Variants in ASTN2 observed in about 807,000 individuals in gnomAD.
The protein encoded by ASTN2 is astrotactin 2.
ASTN2 carries 54 observed loss-of-function variants against 139.8 expected under a neutral mutation model. That is an observed-to-expected ratio of 0.39 (90% CI 0.31 to 0.48). The LOEUF is 0.48. ASTN2 is among the 20% of genes least tolerant of loss of function. The pLI is 0.95. For missense variants in ASTN2, 1,565 were observed against 1,725.1 expected (o/e 0.91, Z 1.64); for synonymous variants, 756 against 719.5 (o/e 1.05, Z -0.81).
chr9:116,612,807 G>C (rs1855616617), intron 19 of ASTN2: 1 of 149,590 alleles, frequency 6.7e-6, no homozygotes, highest in Non-Finnish European at 1.5e-5. Context: ...ATAATTAAAA[G>C]AACTAGAGAA....
chr9:117,052,069 C>T (rs1838925673), intron 5 of ASTN2, among the ~76,000 whole-genome samples: 1 of 152,118 alleles, frequency 6.6e-6, no homozygotes, highest in Non-Finnish European at 1.5e-5. Context: ...CTCTGTCATG[C>T]TTTGGTTGAC....
At chr9:116,479,237 C>A (rs1447542961) in intron 20 of ASTN2, among the ~76,000 whole-genome samples, 1 of 152,158 alleles carries the variant, frequency 6.6e-6, no homozygotes, top group African/African-American at 2.4e-5. Flanking sequence ...CTCCTGATGA[C>A]TTTCATGCTG....
intron 13 of ASTN2, among the ~76,000 whole-genome samples, chr9:116,774,730 T>C (rs1052740909): frequency 6.6e-6 from 1 of 152,056 alleles, no homozygotes; most frequent in Admixed American, 6.6e-5. Flanking sequence ...CTTGTTCATA[T>C]TTACCAACAT....
In ASTN2 at chr9:116,699,882, TTCCCAC is replaced by T; in HGVS notation, c.2806+25883_2806+25888del. The T allele has an allele frequency of 1.2e-6, 1 of 815,838 alleles. No homozygotes were observed. The highest frequency in any genetic ancestry group is 1.9e-6 in the Non-Finnish European group (1 of 516,212). 50.5% of individuals were successfully genotyped at this position (815,838 alleles called of 1,614,324 possible). A position where few individuals can be genotyped will look rare whatever the true frequency, so the allele number is the denominator to read the frequency against. ...TTATTTGTTATGTCCCCCTCCCCGC[TTCCCAC>T]CTAAATTTAGAGCTTTAAAAGATGC... is the stretch of plus-strand genomic sequence containing the variant. On this transcript the variant is annotated intron_variant, in intron 16 of 22. Coordinates refer to ENST00000313400, the MANE Select transcript of ASTN2 (RefSeq NM_001365068.1). The surrounding 1 kb of genome is among the most constrained non-coding windows in gnomAD (Gnocchi z 4.2).
intron 4 of ASTN2, among the ~76,000 whole-genome samples, chr9:117,117,732 T>A (rs1243238906): frequency 6.6e-6 from 1 of 152,212 alleles, no homozygotes; most frequent in African/African-American, 2.4e-5. Flanking sequence ...ATCTACCATG[T>A]GCTGAGAGTC....
At chr9:117,306,154 G>A (rs1303113570) in intron 1 of ASTN2, among the ~76,000 whole-genome samples, 1 of 152,090 alleles carries the variant, frequency 6.6e-6, no homozygotes, top group Non-Finnish European at 1.5e-5. Flanking sequence ...CCTCCCTCTG[G>A]CTCCCACCCC....
chr9:116,838,032 CT>C (rs1219858136), intron 11 of ASTN2, among the ~76,000 whole-genome samples: 4 of 151,968 alleles, frequency 2.6e-5, no homozygotes, highest in Non-Finnish European at 5.9e-5. Context: ...CAGGCAAACA[CT>C]AGCAGGCCCT....
chr9:117,265,418 G>A (rs150875375), intron 2 of ASTN2, among the ~76,000 whole-genome samples: 81 of 152,214 alleles, frequency 5.3e-4, no homozygotes, highest in Middle Eastern at 3.4e-3. Flanking sequence ...AGTGATTCCC[G>A]GCACTGCAGC....
chr9:117,346,469 C>T (rs552374029), intron 1 of ASTN2, among the ~76,000 whole-genome samples: 1 of 152,108 alleles, frequency 6.6e-6, no homozygotes, highest in South Asian at 2.1e-4. Flanking sequence ...AACCAACTAA[C>T]CAAACTCCTA....
At chr9:116,869,535 T>C (rs1833101427) in intron 10 of ASTN2, among the ~76,000 whole-genome samples, 1 of 152,170 alleles carries the variant, frequency 6.6e-6, no homozygotes. Context: ...GAAAGGATCA[T>C]GATGAAGTCA....
intron 1 of ASTN2, among the ~76,000 whole-genome samples, chr9:117,407,525 T>C (rs1831031310): frequency 6.6e-6 from 1 of 152,214 alleles, no homozygotes; most frequent in African/African-American, 2.4e-5. Flanking sequence ...ACCTACAACA[T>C]GCTTGTCAAA....
At chr9:117,291,659 G>A in intron 1 of ASTN2, 146 bp from the exon 2 acceptor site, 2 of 641,824 alleles carry the variant, frequency 3.1e-6, no homozygotes, top group Non-Finnish European at 5.3e-6. Context: ...ATGAGATAGG[G>A]ATCATCACTT....
At chr9:116,651,461 G>A (rs1857908724) in intron 17 of ASTN2, 67 bp downstream of exon 17, 3 of 1,554,974 alleles carry the variant, frequency 1.9e-6, no homozygotes, top group Non-Finnish European at 2.6e-6. Context: ...TGGACAAAGG[G>A]TCCACAAGGG....
intron 19 of ASTN2, among the ~76,000 whole-genome samples, chr9:116,609,965 T>A (rs1470447296): frequency 6.6e-6 from 1 of 151,944 alleles, no homozygotes; most frequent in East Asian, 1.9e-4. Context: ...AAAAGAGTTA[T>A]TGCTAATAAA....
intron 1 of ASTN2, among the ~76,000 whole-genome samples, chr9:117,388,052 C>A (rs1290952413): frequency 6.6e-6 from 1 of 152,178 alleles, no homozygotes; most frequent in African/African-American, 2.4e-5. Context: ...TCACCCTTCC[C>A]TCAGCCAGAG....
intron 1 of ASTN2, among the ~76,000 whole-genome samples, chr9:117,294,856 G>A (rs910876487): frequency 6.6e-6 from 1 of 151,530 alleles, no homozygotes; most frequent in Non-Finnish European, 1.5e-5. Flanking sequence ...CATTCCTAGC[G>A]CTCTCCTCCC....
intron 17 of ASTN2, among the ~76,000 whole-genome samples, chr9:116,638,464 TA>T (rs1369507587): frequency 6.6e-6 from 1 of 151,580 alleles, no homozygotes; most frequent in East Asian, 1.9e-4. Flanking sequence ...ACTACTAGAG[TA>T]AAAAGCTCAA....
At chr9:116,429,339 G>GGA (rs1847418768) in intron 22 of ASTN2, among the ~76,000 whole-genome samples, 3 of 90,854 alleles carry the variant, frequency 3.3e-5, no homozygotes, top group African/African-American at 4.5e-5. Context: ...AACTCTATCT[G>GGA]AAAAAAAAAA....
intron 5 of ASTN2, among the ~76,000 whole-genome samples, chr9:117,084,305 T>G (rs923469773): frequency 6.6e-6 from 1 of 152,162 alleles, no homozygotes; most frequent in African/African-American, 2.4e-5. Context: ...CCAGAAAGCC[T>G]GTATAAACTA....
Sources: allele counts gnomAD v4.1 joint callset (sites outside exome capture counted in the v4.1 genomes callset), GRCh38; gene constraint gnomAD v4.1.1; non-coding constraint Gnocchi (gnomAD v3.1); transcripts MANE v1.5; gene names NCBI Gene and HGNC (gene_info 2026-07-23, HGNC 2026-07-21).